CNTNAP5: variants seen among roughly 807,000 people sequenced by gnomAD.
CNTNAP5 encodes the protein contactin associated protein family member 5.
CNTNAP5 carries 72 observed loss-of-function variants against 150.2 expected under a neutral mutation model. The ratio of observed to expected loss-of-function variants is 0.48; its 90% confidence interval spans 0.40 to 0.58. The LOEUF (loss-of-function observed/expected upper bound fraction) is 0.58, where lower values mean the gene tolerates loss of function less well. CNTNAP5 is among the 20% of genes least tolerant of loss of function. The pLI is 0.00. For synonymous variants in CNTNAP5, 672 were observed against 619.8 expected, an observed-to-expected ratio of 1.08 and a Z score of -1.25; for missense variants, 1,636 against 1,626.2, an observed-to-expected ratio of 1.01 and a Z score of -0.10.
intron 18 of CNTNAP5, among the ~76,000 whole-genome samples, chr2:124,796,342 T>C (rs1046108374): frequency 6.6e-6 from 1 of 152,132 alleles, no homozygotes; most frequent in Non-Finnish European, 1.5e-5. Flanking sequence ...AAATATCAAA[T>C]AAAAGTCCTT....
At chr2:124,046,665 T>C (rs72976598) in intron 1 of CNTNAP5, among the ~76,000 whole-genome samples, 76 of 152,066 alleles carry the variant, frequency 5.0e-4, no homozygotes, top group African/African-American at 1.7e-3. Context: ...AAGAAGACGA[T>C]TGGGTTTTTA....
At chr2:124,869,848 G>T in intron 21 of CNTNAP5, 86 bp downstream of exon 21, 1 of 775,796 alleles carries the variant, frequency 1.3e-6, no homozygotes, top group South Asian at 1.8e-5. Context: ...TAAGGATTCA[G>T]GTCTGGAGCC....
chr2:124,331,575 T>G (rs1689349804), intron 3 of CNTNAP5, among the ~76,000 whole-genome samples: 1 of 152,014 alleles, frequency 6.6e-6, no homozygotes, highest in South Asian at 2.1e-4. Context: ...ATTTGTATTT[T>G]GGAATTTTTT....
intron 13 of CNTNAP5, among the ~76,000 whole-genome samples, chr2:124,698,681 A>G (rs1409497402): frequency 1.3e-5 from 2 of 151,954 alleles, no homozygotes; most frequent in African/African-American, 2.4e-5. Context: ...TGGCATTCCC[A>G]TTGTCCAGGC....
intron 19 of CNTNAP5, among the ~76,000 whole-genome samples, chr2:124,843,724 T>C (rs190600228): frequency 2.0e-5 from 3 of 152,266 alleles, no homozygotes; most frequent in Admixed American, 6.5e-5. Flanking sequence ...TGATATCTCA[T>C]TGTGGTTTTG....
intron 1 of CNTNAP5, among the ~76,000 whole-genome samples, chr2:124,058,623 G>A (rs1681920234): frequency 6.6e-6 from 1 of 151,934 alleles, no homozygotes; most frequent in Admixed American, 6.6e-5. Flanking sequence ...TTAAATGTTT[G>A]GTAATTTGCC....
At chr2:124,100,564 C>T (rs1241675790) in intron 1 of CNTNAP5, among the ~76,000 whole-genome samples, 1 of 152,034 alleles carries the variant, frequency 6.6e-6, no homozygotes, top group Non-Finnish European at 1.5e-5. Context: ...TAACTGTCTC[C>T]TTAAGAATAA....
intron 3 of CNTNAP5, among the ~76,000 whole-genome samples, chr2:124,373,501 A>G (rs1267879584): frequency 6.6e-6 from 1 of 152,156 alleles, no homozygotes; most frequent in East Asian, 1.9e-4. Context: ...CGAGGAGTTC[A>G]CTGATAAATT....
At chr2:124,035,745 C>T (rs1681195436) in intron 1 of CNTNAP5, among the ~76,000 whole-genome samples, 1 of 152,066 alleles carries the variant, frequency 6.6e-6, no homozygotes, top group African/African-American at 2.4e-5. Context: ...AGTTTATTAG[C>T]TTAACCCATA....
At chr2:124,481,043 T>A (rs1693752946) in intron 7 of CNTNAP5, among the ~76,000 whole-genome samples, 1 of 152,204 alleles carries the variant, frequency 6.6e-6, no homozygotes, top group Admixed American at 6.5e-5. Context: ...AGCTTATGAA[T>A]AAGGGAAATT....
chr2:124,656,435 C>T (rs1029413413), intron 13 of CNTNAP5, among the ~76,000 whole-genome samples: 1 of 152,190 alleles, frequency 6.6e-6, no homozygotes, highest in Non-Finnish European at 1.5e-5. Context: ...GAGATCATCA[C>T]ATGAATCAAG....
At chr2:124,824,245 G>A (rs533241088) in intron 19 of CNTNAP5, among the ~76,000 whole-genome samples, 3 of 152,088 alleles carry the variant, frequency 2.0e-5, no homozygotes, top group South Asian at 4.2e-4. Flanking sequence ...GAGTGACCAT[G>A]CTCTTTCCCA....
In CNTNAP5 at chr2:124,226,307, G is replaced by A. The variant is rs1686458766; in HGVS notation, c.187+4498G>A. On this transcript the variant is annotated intron_variant, in intron 2 of 23. Coordinates refer to ENST00000682447, the MANE Select transcript of CNTNAP5 (RefSeq NM_001367498.1). ...TATAAAGAGCCATCCTAACGGGTGT[G>A]AGGTGACGTCTCATTGTGGTTTTGA... is the stretch of plus-strand genomic sequence containing the variant. 2.6e-5 allele frequency among the ~76,000 whole-genome samples: 4 copies of A among 152,070 alleles called. No homozygotes were observed. The South Asian group carries it at 8.3e-4, about 32-fold the overall frequency.
chr2:124,386,659 C>T (rs1032974061), intron 3 of CNTNAP5, among the ~76,000 whole-genome samples: 4 of 152,232 alleles, frequency 2.6e-5, no homozygotes, highest in East Asian at 1.9e-4. Flanking sequence ...TCCCCCTACA[C>T]ACTTTGACAG....
intron 23 of CNTNAP5, 119 bp downstream of exon 23, chr2:124,911,657 T>G (rs751804647): frequency 1.1e-5 from 8 of 754,582 alleles, no homozygotes; most frequent in African/African-American, 8.7e-5. Context: ...CTACATTACC[T>G]GCAAGACTGT....
At chr2:124,140,266 T>C (rs1257790494) in intron 1 of CNTNAP5, among the ~76,000 whole-genome samples, 2 of 151,036 alleles carry the variant, frequency 1.3e-5, no homozygotes, top group African/African-American at 4.9e-5. Context: ...GCCGGGAAGC[T>C]CCAACTGGGT....
chr2:124,584,042 CA>C (rs1558964266), intron 11 of CNTNAP5, among the ~76,000 whole-genome samples: 1 of 152,178 alleles, frequency 6.6e-6, no homozygotes, highest in African/African-American at 2.4e-5. Context: ...GATGAGAAGA[CA>C]ACAGCTTTCC....
intron 2 of CNTNAP5, among the ~76,000 whole-genome samples, chr2:124,225,492 G>T (rs1202092811): frequency 1.3e-5 from 2 of 152,124 alleles, no homozygotes; most frequent in African/African-American, 4.8e-5. Context: ...TGTGATTGAA[G>T]TATAATTGAC....
intron 19 of CNTNAP5, among the ~76,000 whole-genome samples, chr2:124,854,474 G>A (rs906279624): frequency 6.6e-6 from 1 of 152,178 alleles, no homozygotes; most frequent in Non-Finnish European, 1.5e-5. Flanking sequence ...CTAATACAGA[G>A]TAGGCACATC....
Sources: allele counts gnomAD v4.1 joint callset (sites outside exome capture counted in the v4.1 genomes callset), GRCh38; gene constraint gnomAD v4.1.1; transcripts MANE v1.5; gene names NCBI Gene and HGNC (gene_info 2026-07-23, HGNC 2026-07-21).